The following AK8 variants were observed in gnomAD, a reference collection of about 807,000 sequenced individuals.
The protein encoded by AK8 is ATP-AMP transphosphorylase 8.
AK8 carries 44 observed loss-of-function variants against 54.6 expected under a neutral mutation model. The observed-to-expected ratio is 0.81, with a 90% confidence interval of 0.63 to 1.04. The LOEUF (loss-of-function observed/expected upper bound fraction) is 1.04, where lower values mean the gene tolerates loss of function less well. Ranked by LOEUF, AK8 falls within the 50% of genes least tolerant of loss-of-function variation. The pLI, the probability that AK8 is intolerant of heterozygous loss-of-function variation, is 0.00. For missense variants in AK8, 555 were observed against 613.6 expected, an observed-to-expected ratio of 0.90 and a Z score of 1.01; for synonymous variants, 239 against 245.6, an observed-to-expected ratio of 0.97 and a Z score of 0.25.
intron 5 of AK8, among the ~76,000 whole-genome samples, chr9:132,832,017 GTGCTAT>G (rs2131317830): frequency 7.4e-6 from 1 of 135,468 alleles, no homozygotes; most frequent in African/African-American, 2.8e-5. Context: ...AGCTACGATC[GTGCTAT>G]TGCACTCCTG....
intron 11 of AK8, among the ~76,000 whole-genome samples, chr9:132,763,248 C>G (rs560108836): frequency 6.6e-6 from 1 of 152,318 alleles, no homozygotes; most frequent in South Asian, 2.1e-4. Flanking sequence ...GATATCATAT[C>G]AAGTACCTTT....
upstream of AK8, chr9:132,878,922 G>A: frequency 3.2e-6 from 1 of 317,232 alleles, no homozygotes; most frequent in Non-Finnish European, 4.6e-6. The surrounding 1 kb of genome is among the most constrained non-coding windows in gnomAD (Gnocchi z 4.7). Flanking sequence ...CCTGGAACGG[G>A]CCTCCCCACC....
At chr9:132,733,904 G>C (rs893294493) in intron 11 of AK8, among the ~76,000 whole-genome samples, 12 of 152,170 alleles carry the variant, frequency 7.9e-5, no homozygotes, top group African/African-American at 2.9e-4. Context: ...TGGGATTGCA[G>C]AACTTCAGGC....
intron 11 of AK8, among the ~76,000 whole-genome samples, chr9:132,759,305 A>AC (rs1386535162): frequency 2.6e-5 from 4 of 151,964 alleles, no homozygotes; most frequent in Admixed American, 1.3e-4. Flanking sequence ...TATTAAGCAT[A>AC]CTTTATCTCA....
rs1437506660 is a variant in AK8 at position 132,726,780 on chromosome 9, G to T, written c.1202+674C>A. Among the ~76,000 whole-genome samples the T allele has an allele frequency of 3.3e-5, 5 of 152,204 alleles. No homozygotes were observed. The East Asian group carries it at 5.8e-4, about 18-fold the overall frequency. ...TGTTGGGAGAGACCGCAGGGACAGG[G>T]TGACATGAAGGCCACAGCACTTGAG... is the stretch of plus-strand genomic sequence containing the variant. On this transcript the variant is annotated intron_variant, in intron 12 of 12. Transcript: ENST00000298545.
intron 11 of AK8, among the ~76,000 whole-genome samples, chr9:132,788,284 T>C (rs116809684): frequency 0.024 from 3,724 of 152,284 alleles, 149 homozygotes; most frequent in African/African-American, 0.085. Context: ...AACCACAAAA[T>C]TGTATGCTTG....
chr9:132,849,732 T>C (rs1258945165), intron 5 of AK8, among the ~76,000 whole-genome samples: 4 of 152,184 alleles, frequency 2.6e-5, no homozygotes, highest in Non-Finnish European at 4.4e-5. Flanking sequence ...AGATTCCTGC[T>C]TCAGGTTTGG....
At chr9:132,819,015 A>G (rs1467798294) in intron 9 of AK8, among the ~76,000 whole-genome samples, 1 of 152,120 alleles carries the variant, frequency 6.6e-6, no homozygotes, top group East Asian at 1.9e-4. Flanking sequence ...GGACTTCAAG[A>G]AAATGAGTAT....
At chr9:132,746,900 C>G (rs1315791037) in intron 11 of AK8, among the ~76,000 whole-genome samples, 2 of 152,188 alleles carry the variant, frequency 1.3e-5, no homozygotes, top group Non-Finnish European at 2.9e-5. Context: ...AATGAAGTAT[C>G]AATTAGTAGT....
intron 11 of AK8, among the ~76,000 whole-genome samples, chr9:132,745,519 C>T (rs1326997482): frequency 1.3e-5 from 2 of 152,136 alleles, no homozygotes; most frequent in African/African-American, 2.4e-5. Context: ...GCTCCAGAGT[C>T]GGGTGTCTGG....
In AK8 at chr9:132,842,314, A is replaced by G. The variant is rs76871913; in HGVS notation, c.402+12543T>C. 7.8e-3 allele frequency among the ~76,000 whole-genome samples: 1,180 copies of G among 152,106 alleles called. 9 individuals carry two copies. Among genetic ancestry groups the G allele is most frequent in the African/African-American group, 0.019 (793 of 41,354 alleles). Reference sequence around the variant, plus strand: ...TTATCCAAATGGCATTGATTGATTCATTATTGACTGGTTCATTCATTCATT... The same window carrying G: ...TTATCCAAATGGCATTGATTGATTCGTTATTGACTGGTTCATTCATTCATT... On this transcript the variant is annotated intron_variant, in intron 5 of 12. Transcript: ENST00000298545.
intron 5 of AK8, among the ~76,000 whole-genome samples, chr9:132,831,559 G>A (rs1842102209): frequency 2.0e-5 from 3 of 152,294 alleles, no homozygotes; most frequent in Admixed American, 1.3e-4. Flanking sequence ...TGTAGGAAGC[G>A]GGGTCAGGCA....
intron 10 of AK8, among the ~76,000 whole-genome samples, chr9:132,793,478 C>A (rs969137688): frequency 6.6e-6 from 1 of 152,200 alleles, no homozygotes; most frequent in Non-Finnish European, 1.5e-5. Context: ...ACTGTGCCAG[C>A]GCCCCCAAAG....
rs183758057 is a variant in AK8, at chr9:132,821,780, T to C, written c.889+1425A>G. 5.7e-4 allele frequency among the ~76,000 whole-genome samples: 80 copies of C among 140,710 alleles called. 4 individuals are homozygous for C. Among genetic ancestry groups the C allele is most frequent in the Admixed American group, 1.5e-3 (20 of 13,532 alleles). 92.3% of individuals were successfully genotyped at this position (140,710 alleles called of 152,430 possible). A position where few individuals can be genotyped will look rare whatever the true frequency, so the allele number is the denominator to read the frequency against. On this transcript the variant is annotated intron_variant, in intron 9 of 12. Transcript: ENST00000298545. Reference sequence around the variant, plus strand: ...ATATATACATATATGTATATGTGTATGTATATACAAATATATACATATATG... The same window carrying C: ...ATATATACATATATGTATATGTGTACGTATATACAAATATATACATATATG...
At chr9:132,727,373 T>G (rs1418922466) in intron 12 of AK8, 81 bp downstream of exon 12, 1 of 1,319,848 alleles carries the variant, frequency 7.6e-7, no homozygotes, top group African/African-American at 1.5e-5. Context: ...CTGCAGTGTT[T>G]CCACCATGGC....
chr9:132,830,999 C>T (rs1164011720), intron 5 of AK8, among the ~76,000 whole-genome samples: 1 of 152,074 alleles, frequency 6.6e-6, no homozygotes, highest in Non-Finnish European at 1.5e-5. Context: ...CCTTATGGCT[C>T]ACCACCTGTT....
At position 132,877,985 on chromosome 9, in the gene AK8, C is replaced by A. The variant is rs1340811674; in HGVS notation, c.84+187G>T. 2.8e-6 allele frequency: 4 copies of A among 1,450,206 alleles called. 1 individual carries two copies. The South Asian group carries it at 4.9e-5, about 18-fold the overall frequency. 89.8% of individuals were successfully genotyped at this position (1,450,206 alleles called of 1,614,324 possible). A position where few individuals can be genotyped will look rare whatever the true frequency, so the allele number is the denominator to read the frequency against. ...CCGCCTGAGGCAAACCCGGGCAGGA[C>A]CAGGAGCGTCCCCAGCTCGAGGGCC... On this transcript the variant is annotated intron_variant, in intron 1 of 12. Coordinates refer to ENST00000298545, the MANE Select transcript of AK8 (RefSeq NM_152572.3).
At chr9:132,820,170 GGGAAGGAAGGAA>G in intron 9 of AK8, among the ~76,000 whole-genome samples, 1 of 138,452 alleles carries the variant, frequency 7.2e-6, no homozygotes, top group African/African-American at 2.7e-5. Context: ...AAAAGACAAA[GGGAAGGAAGGAA>G]GGAAGGAAGG....
intron 10 of AK8, among the ~76,000 whole-genome samples, chr9:132,798,863 C>G (rs1466362434): frequency 6.6e-6 from 1 of 152,150 alleles, no homozygotes. Context: ...CAGGCCTCCA[C>G]TCCCCACCGC....
Sources: allele counts gnomAD v4.1 joint callset (sites outside exome capture counted in the v4.1 genomes callset), GRCh38; gene constraint gnomAD v4.1.1; non-coding constraint Gnocchi (gnomAD v3.1); transcripts MANE v1.5; gene names NCBI Gene and HGNC (gene_info 2026-07-23, HGNC 2026-07-21).